Variants in PGAP4 observed in about 807,000 individuals in gnomAD.
PGAP4 encodes the protein GPI-N-acetylgalactosamine transferase PGAP4.
PGAP4 carries 12 observed loss-of-function variants against 28.2 expected under a neutral mutation model. That is an observed-to-expected ratio of 0.42 (90% confidence interval 0.27 to 0.69). The LOEUF is 0.69. Among genes scored for constraint, PGAP4 ranks in the 30% least tolerant of loss-of-function variants. The pLI is 0.22. For synonymous variants in PGAP4, 205 were observed against 211.8 expected (o/e 0.97, Z 0.28); for missense variants, 425 against 513.5 (o/e 0.83, Z 1.67).
chr9:101,525,616 G>C (rs377721945), intron 2 of PGAP4, among the ~76,000 whole-genome samples: 137 of 146,176 alleles, frequency 9.4e-4, no homozygotes, highest in African/African-American at 3.2e-3. Flanking sequence ...CTAAGGAAGA[G>C]AGAATCACTT....
At position 101,476,992 on chromosome 9, in the gene PGAP4, G is replaced by A. The variant is rs768547818; in HGVS notation, c.101C>T (p.Thr34Met). The part of the protein sequence containing the change: ...AVQLFILTVV[T>M]FGLLAPLACH... ...GGCCAGGGGGGCCAGCAGGCCAAAC[G>A]TCACCACTGTTAGGATGAAGAGCTG... is the stretch of plus-strand genomic sequence containing the variant. Residue 34 changes from threonine (T) to methionine (M), a missense_variant, in exon 2 of 2, where the codon ACG becomes ATG. Physicochemically the swap from Thr to Met is moderately conservative, Grantham distance 81. Transcript: ENST00000374848. The surrounding 1 kb of genome is among the most constrained non-coding windows in gnomAD (Gnocchi z 7.0). 3 of 1,613,996 alleles carry A rather than the reference G, an allele frequency of 1.9e-6. No homozygotes were observed. Among genetic ancestry groups the A allele is most frequent in the East Asian group, 2.2e-5 (1 of 44,866 alleles).
chr9:101,502,991 A>G (rs1021741012), intron 2 of PGAP4, among the ~76,000 whole-genome samples: 1 of 152,190 alleles, frequency 6.6e-6, no homozygotes, highest in Admixed American at 6.5e-5. Flanking sequence ...GTGGCACAAG[A>G]TTGCCAGATG....
rs1488803219 is a variant in PGAP4, at chr9:101,473,234, G to C, written c.*2647C>G. 6.6e-6 allele frequency: 1 copy of C among 152,208 alleles called. No homozygotes were observed. Among genetic ancestry groups the C allele is most frequent in the Non-Finnish European group, 1.5e-5 (1 of 68,040 alleles). The allele number at this position is 152,208 out of a possible 1,614,324, so 9.4% of individuals were successfully genotyped here. On this transcript the variant is annotated 3_prime_UTR_variant, in exon 2 of 2. Coordinates refer to ENST00000374848, the MANE Select transcript of PGAP4 (RefSeq NM_032342.3). Reference sequence around the variant, plus strand: ...CTATGCAATACACTCAGTCACAAGAGAGAGCTTCTTAAGCCTGACCATAAT... The same window carrying C: ...CTATGCAATACACTCAGTCACAAGACAGAGCTTCTTAAGCCTGACCATAAT...
Position 101,475,633 on chromosome 9 carries a change from G to A in PGAP4, c.*248C>T. On this transcript the variant is annotated 3_prime_UTR_variant, in exon 2 of 2. Transcript: ENST00000374848. ...TGTTCAAATGCACCCTCACTGGGTG[G>A]GTCAGACTGCATGAGGCAGTGTGGC... 2 of 542,230 alleles carry A rather than the reference G, an allele frequency of 3.7e-6. No individual in the cohort carries two copies. The highest frequency in any genetic ancestry group is 6.0e-5 in the East Asian group (2 of 33,146). The allele number at this position is 542,230 out of a possible 1,614,324, so 33.6% of individuals were successfully genotyped here.
upstream of PGAP4, among the ~76,000 whole-genome samples, chr9:101,489,372 G>GA (rs528205868): frequency 1.1e-4 from 17 of 151,992 alleles, no homozygotes; most frequent in African/African-American, 3.9e-4. Flanking sequence ...ACAGGATAAT[G>GA]AAAAAAATCT....
chr9:101,476,495 G>T lies in PGAP4; in HGVS notation c.598C>A (p.Gln200Lys), dbSNP rs1426545372. ...DYVYCLESSL[Q>K]TYNPDYVLMV... ...AGGACGTAGTCTGGGTTGTAGGTCT[G>T]CAGGGATGACTCCAGGCAATAGACA... The change falls in exon 2 of 2, where the codon CAG becomes AAG. Residue 200 changes from glutamine (Q) to lysine (K), a missense_variant. By Grantham distance (53) the Gln-to-Lys change is moderately conservative (BLOSUM62 1). Coordinates refer to ENST00000374848, the MANE Select transcript of PGAP4 (RefSeq NM_032342.3). This position sits in a 1 kb window ranked among gnomAD's most constrained non-coding sequence, Gnocchi z 7.0. 1 of 1,614,062 alleles carries T rather than the reference G, an allele frequency of 6.2e-7. No individual in the cohort carries two copies. Among genetic ancestry groups the T allele is most frequent in the Non-Finnish European group, 8.5e-7 (1 of 1,180,044 alleles).
At chr9:101,529,313 G>A (rs369872038) in intron 2 of PGAP4, among the ~76,000 whole-genome samples, 137 of 152,030 alleles carry the variant, frequency 9.0e-4, no homozygotes, top group African/African-American at 3.1e-3. Context: ...CCACCACCAT[G>A]CCCAGCTAAT....
intron 2 of PGAP4, among the ~76,000 whole-genome samples, chr9:101,496,188 A>C (rs936073512): frequency 4.0e-5 from 6 of 151,548 alleles, no homozygotes; most frequent in African/African-American, 1.4e-4. Flanking sequence ...ACATCTCAGC[A>C]TTATGCCAGA....
At chr9:101,497,986 A>G (rs576971898) in intron 2 of PGAP4, among the ~76,000 whole-genome samples, 36 of 151,994 alleles carry the variant, frequency 2.4e-4, no homozygotes, top group African/African-American at 8.2e-4. Context: ...AGATAGTTGG[A>G]TCCAAATTAT....
At chr9:101,532,399 A>G (rs1827106415) in intron 1 of PGAP4, among the ~76,000 whole-genome samples, 1 of 152,128 alleles carries the variant, frequency 6.6e-6, no homozygotes, top group African/African-American at 2.4e-5. Context: ...TTGGATTTTT[A>G]TGTAAAATAG....
upstream of PGAP4, among the ~76,000 whole-genome samples, chr9:101,490,791 C>T (rs1024544430): frequency 5.9e-5 from 9 of 152,148 alleles, no homozygotes; most frequent in Admixed American, 1.3e-4. Flanking sequence ...ATGAGAGTTT[C>T]CAAACCTGCT....
At chr9:101,481,372 T>G (rs775274902) in intron 1 of PGAP4, 5 of 152,372 alleles carry the variant, frequency 3.3e-5, no homozygotes, top group Admixed American at 1.3e-4. Flanking sequence ...GAATTCCAGT[T>G]GCCCATGATG....
intron 2 of PGAP4, among the ~76,000 whole-genome samples, chr9:101,495,455 A>ATTCT (rs368060119): frequency 8.3e-6 from 1 of 120,452 alleles, no homozygotes; most frequent in Non-Finnish European, 1.8e-5. Context: ...TATATTATAT[A>ATTCT]TACTTATATT....
At chr9:101,495,516 G>C (rs949174244) in intron 2 of PGAP4, among the ~76,000 whole-genome samples, 1 of 138,938 alleles carries the variant, frequency 7.2e-6, no homozygotes, top group Non-Finnish European at 1.5e-5. Context: ...AAATTTTAAA[G>C]TTAATTTTAG....
intron 2 of PGAP4, among the ~76,000 whole-genome samples, chr9:101,494,561 A>C (rs1042178123): frequency 6.6e-6 from 1 of 151,894 alleles, no homozygotes; most frequent in African/African-American, 2.4e-5. Flanking sequence ...AATCCTGATT[A>C]GTAGTTTTGT....
At chr9:101,504,095 C>A (rs545325670) in intron 2 of PGAP4, among the ~76,000 whole-genome samples, 5 of 151,684 alleles carry the variant, frequency 3.3e-5, no homozygotes, top group Non-Finnish European at 5.9e-5. Flanking sequence ...GACCAATCAA[C>A]CTGAGCCAGC....
chr9:101,485,435 T>A (rs1261967278), intron 1 of PGAP4, among the ~76,000 whole-genome samples: 1 of 152,048 alleles, frequency 6.6e-6, no homozygotes, highest in Non-Finnish European at 1.5e-5. Context: ...CTAGTAAAAA[T>A]TAACAGAAAA....
chr9:101,530,214 A>C (rs1827075698), intron 2 of PGAP4, among the ~76,000 whole-genome samples: 1 of 152,266 alleles, frequency 6.6e-6, no homozygotes, highest in Non-Finnish European at 1.5e-5. Flanking sequence ...GTTAGGGTGA[A>C]GACAGGACAT....
At chr9:101,491,569 A>T (rs1205161651), upstream of PGAP4, among the ~76,000 whole-genome samples, 1 of 151,998 alleles carries the variant, frequency 6.6e-6, no homozygotes, top group Non-Finnish European at 1.5e-5. Flanking sequence ...GACAGGTCAT[A>T]TTGACTACCT....
Sources: allele counts gnomAD v4.1 joint callset (sites outside exome capture counted in the v4.1 genomes callset), GRCh38; gene constraint gnomAD v4.1.1; non-coding constraint Gnocchi (gnomAD v3.1); transcripts MANE v1.5; gene names NCBI Gene and HGNC (gene_info 2026-07-23, HGNC 2026-07-21).